PHLPP2: variants seen among roughly 807,000 people sequenced by gnomAD.
PHLPP2 encodes PH domain and leucine rich repeat protein phosphatase 2.
PHLPP2 carries 66 observed loss-of-function variants against 124.9 expected under a neutral mutation model. That is an observed-to-expected ratio of 0.53 (90% CI 0.43 to 0.65). The LOEUF is 0.65. Among genes scored for constraint, PHLPP2 ranks in the 30% least tolerant of loss-of-function variants. The pLI is 0.00. For missense variants in PHLPP2, 1,685 were observed against 1,600.4 expected, an observed-to-expected ratio of 1.05 and a Z score of -0.90; for synonymous variants, 681 against 624.7, an observed-to-expected ratio of 1.09 and a Z score of -1.34.
intron 6 of PHLPP2, among the ~76,000 whole-genome samples, chr16:71,680,102 G>A: frequency 6.6e-6 from 1 of 151,304 alleles, no homozygotes; most frequent in Non-Finnish European, 1.5e-5. Flanking sequence ...AAAGAAAAAA[G>A]GTAGACAATC....
At chr16:71,702,261 G>A (rs1174309205) in intron 3 of PHLPP2, among the ~76,000 whole-genome samples, 1 of 152,060 alleles carries the variant, frequency 6.6e-6, no homozygotes, top group Non-Finnish European at 1.5e-5. Context: ...ACATTTTTGA[G>A]CTATCCAGAA....
intron 17 of PHLPP2, 45 bp from the exon 18 acceptor site, chr16:71,653,066 G>A (rs764066219): frequency 1.7e-6 from 2 of 1,178,026 alleles, no homozygotes; most frequent in Non-Finnish European, 2.5e-6. Context: ...GCTAGTTTTA[G>A]AAGAAAGTGG....
chr16:71,714,928 T>C, intron 1 of PHLPP2, 127 bp from the exon 2 acceptor site: 15 of 1,186,818 alleles, frequency 1.3e-5, no homozygotes, highest in Non-Finnish European at 1.7e-5. Flanking sequence ...CCTCCTTTTG[T>C]GGAGCACTTC....
chr16:71,709,448 A>T (rs1461216718), intron 2 of PHLPP2, among the ~76,000 whole-genome samples: 2 of 151,514 alleles, frequency 1.3e-5, no homozygotes, highest in African/African-American at 2.4e-5. Context: ...AATAAAAATT[A>T]AAAAAAAAGA....
rs1402423219 is a variant in PHLPP2, at chr16:71,656,695, A to G, written c.2280-14T>C. 2.1e-6 allele frequency: 3 copies of G among 1,426,502 alleles called. No individual in the cohort carries two copies. In the South Asian group the frequency reaches 3.4e-5, roughly 16 times the overall value. The allele number at this position is 1,426,502 out of a possible 1,614,324, so 88.4% of individuals were successfully genotyped here. A position where few individuals can be genotyped will look rare whatever the true frequency, so the allele number is the denominator to read the frequency against. The stretch of plus-strand genomic sequence containing the variant: ...GTTGTGATATGGCTGTGGGAGGTGA[A>G]GGAAGATTAAACCATATATTCTTCT... On this transcript the variant is annotated splice_polypyrimidine_tract_variant and intron_variant, in intron 15 of 18. Coordinates refer to ENST00000568954, the MANE Select transcript of PHLPP2 (RefSeq NM_015020.3).
chr16:71,652,268 A>G (rs1344985576), intron 18 of PHLPP2, among the ~76,000 whole-genome samples: 3 of 152,266 alleles, frequency 2.0e-5, no homozygotes, highest in Non-Finnish European at 4.4e-5. Context: ...AACAATGTTC[A>G]CAAGTAATTG....
rs2045345254 is a variant in PHLPP2, at chr16:71,714,532, C to A, written c.264G>T (p.Gln88His). The change falls in exon 2 of 19, where the codon CAG (glutamine) becomes CAT (histidine). Residue 88 changes from glutamine (Q) to histidine (H), a missense_variant. Gln to His is a conservative substitution (Grantham distance 24). Coordinates refer to ENST00000568954, the MANE Select transcript of PHLPP2 (RefSeq NM_015020.3). ...CTCACCTGACCAGGTCTCCATGAAG[C>A]TGTAAATAAAGACTTTCTCTTCCCT... ...AGEGRESLYL[Q>H]LHGDLVRRLE... The A allele has an allele frequency of 1.2e-6, 2 of 1,611,384 alleles. No individual in the cohort carries two copies. Among genetic ancestry groups the A allele is most frequent in the African/African-American group, 2.7e-5 (2 of 74,846 alleles).
chr16:71,723,694 G>GCCTCCCTCGTTC (rs2045413196), intron 1 of PHLPP2: 1 of 676,532 alleles, frequency 1.5e-6, no homozygotes, highest in Admixed American at 3.6e-5. Flanking sequence ...GCGGCCTCTA[G>GCCTCCCTCGTTC]CCTCCCTCGT....
chr16:71,650,172 T>C, intron 18 of PHLPP2, 128 bp from the exon 19 acceptor site: 1 of 655,960 alleles, frequency 1.5e-6, no homozygotes, highest in Admixed American at 2.9e-5. Flanking sequence ...TGGATTAGTA[T>C]AATTTTAAAT....
intron 1 of PHLPP2, chr16:71,715,053 G>A (rs2045352562): frequency 2.0e-6 from 1 of 495,252 alleles, no homozygotes; most frequent in Non-Finnish European, 3.6e-6. Flanking sequence ...TCAGAAACGT[G>A]TCAAGAATAA....
chr16:71,687,918 G>T (rs1050645405), intron 4 of PHLPP2, among the ~76,000 whole-genome samples: 2 of 152,014 alleles, frequency 1.3e-5, no homozygotes, highest in African/African-American at 4.8e-5. Context: ...AAATTCTTCA[G>T]TACATCAGTT....
At chr16:71,723,861 C>T (rs1179999130) in intron 1 of PHLPP2, 6 of 1,191,622 alleles carry the variant, frequency 5.0e-6, no homozygotes, top group Non-Finnish European at 6.2e-6. Context: ...GGCTCCACCT[C>T]CCCCATCGGC....
rs548051373 is a variant in PHLPP2, at chr16:71,658,692, G to A, written c.2109C>T (p.Ile703=). 1 of 1,614,184 alleles carries A rather than the reference G, an allele frequency of 6.2e-7. No homozygotes were observed. Among genetic ancestry groups the A allele is most frequent in the East Asian group, 2.2e-5 (1 of 44,886 alleles). ...ACTGCAGTATTTCTGGGAAAATGCTGATGTTGTTGGAGTGTGCAACAAGGG... is the reference window on the plus strand; with the variant it reads ...ACTGCAGTATTTCTGGGAAAATGCTAATGTTGTTGGAGTGTGCAACAAGGG... ...LHTLVAHSNN[I]SIFPEILQLP... Residue 703 remains isoleucine, a synonymous_variant, in exon 14 of 19, where the codon ATC becomes ATT. Coordinates refer to ENST00000568954, the MANE Select transcript of PHLPP2 (RefSeq NM_015020.3).
intron 9 of PHLPP2, among the ~76,000 whole-genome samples, chr16:71,674,099 T>G (rs1230440182): frequency 6.6e-6 from 1 of 150,544 alleles, no homozygotes; most frequent in Non-Finnish European, 1.5e-5. Flanking sequence ...TTTTTTGAGA[T>G]GGAGCTTTGC....
Position 71,700,884 on chromosome 16 carries a change from G to A in PHLPP2, c.418+1714C>T, listed in dbSNP as rs2045225940. Among the ~76,000 whole-genome samples, 6 of 152,218 alleles carry A rather than the reference G, an allele frequency of 3.9e-5. No individual in the cohort carries two copies. In the South Asian group the frequency reaches 8.3e-4, roughly 21 times the overall value. ...AAGTAAAGGTGACTTACAAAGCTTGGTTATAAAAGACACTGAGGCCTCTGT... is the reference window on the plus strand; with the variant it reads ...AAGTAAAGGTGACTTACAAAGCTTGATTATAAAAGACACTGAGGCCTCTGT... On this transcript the variant is annotated intron_variant, in intron 3 of 18. Transcript: ENST00000568954.
intron 3 of PHLPP2, 146 bp from the exon 4 acceptor site, chr16:71,690,855 C>G: frequency 1.6e-6 from 1 of 627,350 alleles, no homozygotes; most frequent in South Asian, 2.0e-5. Flanking sequence ...AAAATTAGAT[C>G]TAGTCCATCA....
At chr16:71,653,743 G>T (rs1011976821) in intron 17 of PHLPP2, among the ~76,000 whole-genome samples, 12 of 152,256 alleles carry the variant, frequency 7.9e-5, no homozygotes, top group Middle Eastern at 3.4e-3. Context: ...CTTCATAAAT[G>T]GAGTTCCCTT....
At chr16:71,654,052 G>A (rs1053294877) in intron 17 of PHLPP2, among the ~76,000 whole-genome samples, 16 of 151,950 alleles carry the variant, frequency 1.1e-4, no homozygotes, top group African/African-American at 7.2e-5. Flanking sequence ...AAAATTAGCC[G>A]GGTGAGGTGG....
Position 71,649,757 on chromosome 16 carries a change from A to C in PHLPP2, c.3105T>G (p.Ile1035Met). 6.2e-7 allele frequency: 1 copy of C among 1,614,218 alleles called. No individual in the cohort carries two copies. The highest frequency in any genetic ancestry group is 1.3e-5 in the African/African-American group (1 of 75,060). Residue 1035 changes from isoleucine to methionine, a missense_variant, in exon 19 of 19, where the codon ATT becomes ATG. Transcript: ENST00000568954. ...NVGAMVVYLNIGEEGCTCEMN... is the reference protein window; with the variant it reads ...NVGAMVVYLNMGEEGCTCEMN... ...TTTCACAAGTGCAGCCTTCCTCACCAATATTCAAATAAACTACCATCGCCC... is the reference window on the plus strand; with the variant it reads ...TTTCACAAGTGCAGCCTTCCTCACCCATATTCAAATAAACTACCATCGCCC...
Sources: allele counts gnomAD v4.1 joint callset (sites outside exome capture counted in the v4.1 genomes callset), GRCh38; gene constraint gnomAD v4.1.1; transcripts MANE v1.5; gene names NCBI Gene and HGNC (gene_info 2026-07-23, HGNC 2026-07-21).